ACAT1: variants seen among roughly 807,000 people sequenced by gnomAD.
ACAT1 encodes the protein acetyl-CoA acetyltransferase 1, also known as acetyl-CoA acetyltransferase, mitochondrial.
ACAT1 carries 28 observed loss-of-function variants against 47.3 expected under a neutral mutation model. The observed-to-expected ratio is 0.59, with a 90% CI of 0.44 to 0.81. ACAT1 has a LOEUF of 0.81. Ranked by LOEUF, ACAT1 falls within the 30% of genes least tolerant of loss-of-function variation. ACAT1 has a pLI of 0.00. For missense variants in ACAT1, 469 were observed against 524.3 expected (o/e 0.89, Z 1.03); for synonymous variants, 181 against 173.6 (o/e 1.04, Z -0.34).
At chr11:108,123,347 A>G (rs924986005) in intron 1 of ACAT1, among the ~76,000 whole-genome samples, 4 of 152,242 alleles carry the variant, frequency 2.6e-5, no homozygotes, top group Admixed American at 2.6e-4. Flanking sequence ...TCTAGGAAGC[A>G]GTTGTATTGG....
chr11:108,130,231 G>A (rs1317820490), intron 1 of ACAT1, among the ~76,000 whole-genome samples: 2 of 152,026 alleles, frequency 1.3e-5, no homozygotes, highest in Non-Finnish European at 2.9e-5. Context: ...GCTTGGGTGA[G>A]TCCATTCCAT....
chr11:108,136,385 T>C (rs2077469929), intron 5 of ACAT1: 1 of 300,222 alleles, frequency 3.3e-6, no homozygotes, highest in Admixed American at 5.0e-5. Context: ...TCCATAAAAG[T>C]TGTACCAGTT....
In ACAT1 at chr11:108,132,241, G is replaced by A. The variant is rs11212520; in HGVS notation, c.120+287G>A. ...TACTCACAGGGACTCGCATTGTATT[G>A]TGTGTGGTACAAGCAGAGACTGTAT... On this transcript the variant is annotated intron_variant, in intron 2 of 11. Transcript: ENST00000265838. 4.6e-5 allele frequency among the ~76,000 whole-genome samples: 7 copies of A among 152,206 alleles called. No homozygotes were observed. The East Asian group carries it at 1.4e-3, about 29-fold the overall frequency.
intron 8 of ACAT1, among the ~76,000 whole-genome samples, chr11:108,142,206 A>G (rs998075383): frequency 1.3e-5 from 2 of 152,240 alleles, no homozygotes; most frequent in African/African-American, 4.8e-5. Context: ...ATCCAGTGCC[A>G]TCATGCATGT....
At chr11:108,145,660 G>T (rs1390488757) in intron 10 of ACAT1, among the ~76,000 whole-genome samples, 1 of 152,178 alleles carries the variant, frequency 6.6e-6, no homozygotes, top group Non-Finnish European at 1.5e-5. Flanking sequence ...AATATCTGTG[G>T]AAAGAAAATC....
In ACAT1 at chr11:108,144,346, G is replaced by A. The variant is rs138795626; in HGVS notation, c.1005+299G>A. On this transcript the variant is annotated intron_variant, in intron 10 of 11. Transcript: ENST00000265838. ...CTGGTGTGGTAACCACAAAGCGGAG[G>A]GAATGCTGGCTGATGGTTCCAGATC... 70 of 383,798 alleles carry A rather than the reference G, an allele frequency of 1.8e-4. 1 individual carries two copies. The highest frequency in any genetic ancestry group is 1.1e-3 in the African/African-American group (55 of 48,504). 23.8% of individuals were successfully genotyped at this position (383,798 alleles called of 1,614,324 possible). A position where few individuals can be genotyped will look rare whatever the true frequency, so the allele number is the denominator to read the frequency against.
rs549208039 is a variant in ACAT1 at position 108,124,444 on chromosome 11, G to A, written c.72+2766G>A. On this transcript the variant is annotated intron_variant, in intron 1 of 11. Coordinates refer to ENST00000265838, the MANE Select transcript of ACAT1 (RefSeq NM_000019.4). ...ACACCCGCTACTTTTTGTATTTTTA[G>A]TAGGGACGGGCTTTCACCATGTTGG... Among the ~76,000 whole-genome samples, 141 of 151,940 alleles carry A rather than the reference G, an allele frequency of 9.3e-4. 1 individual carries two copies. Among genetic ancestry groups the A allele is most frequent in the Non-Finnish European group, 1.6e-3 (112 of 67,984 alleles).
At chr11:108,144,301 A>G (rs2077656430) in intron 10 of ACAT1, 1 of 512,974 alleles carries the variant, frequency 1.9e-6, no homozygotes, top group Admixed American at 3.3e-5. Flanking sequence ...ACTTGTAAGT[A>G]TCATACAGAA....
At chr11:108,144,107 G>T in intron 10 of ACAT1, 60 bp downstream of exon 10, 1 of 1,591,494 alleles carries the variant, frequency 6.3e-7, no homozygotes, top group South Asian at 1.1e-5. Flanking sequence ...CTTATACCAA[G>T]GTTGCAGTTT....
At chr11:108,143,556 T>C (rs1222867711) in intron 9 of ACAT1, 1 of 153,106 alleles carries the variant, frequency 6.5e-6, no homozygotes, top group Non-Finnish European at 1.5e-5. Context: ...TTTGTTACTT[T>C]ATAAAAAGCC....
chr11:108,136,089 C>T (rs1239320205), intron 5 of ACAT1: 5 of 700,730 alleles, frequency 7.1e-6, no homozygotes, highest in African/African-American at 3.5e-5. Flanking sequence ...GAGACAGGCT[C>T]CTTAGCAAAA....
At chr11:108,123,564 G>A (rs1311266960) in intron 1 of ACAT1, among the ~76,000 whole-genome samples, 1 of 152,140 alleles carries the variant, frequency 6.6e-6, no homozygotes, top group African/African-American at 2.4e-5. Flanking sequence ...CTGGTCAAAG[G>A]AGTGGTCTTT....
In ACAT1 at chr11:108,131,887, TATAA is replaced by T. The variant is rs764584922; in HGVS notation, c.73-16_73-13del. 7 of 1,163,534 alleles carry T rather than the reference TATAA, an allele frequency of 6.0e-6. No homozygotes were observed. In the African/African-American group the frequency reaches 6.2e-5, roughly 10 times the overall value. The allele number at this position is 1,163,534 out of a possible 1,614,324, so 72.1% of individuals were successfully genotyped here. A position where few individuals can be genotyped will look rare whatever the true frequency, so the allele number is the denominator to read the frequency against. ...TTTAATATTTTTTACATTATAACAT[TATAA>T]ATATTTATATTACAGGAAATAAGAT... On this transcript the variant is annotated splice_polypyrimidine_tract_variant and intron_variant, in intron 1 of 11. Coordinates refer to ENST00000265838, the MANE Select transcript of ACAT1 (RefSeq NM_000019.4).
At chr11:108,122,641 C>G (rs1422547606) in intron 1 of ACAT1, among the ~76,000 whole-genome samples, 2 of 152,170 alleles carry the variant, frequency 1.3e-5, no homozygotes, top group African/African-American at 2.4e-5. Flanking sequence ...AAGAACCAGT[C>G]TAGGACTTGA....
At chr11:108,131,438 G>A (rs193168981) in intron 1 of ACAT1, among the ~76,000 whole-genome samples, 6 of 137,736 alleles carry the variant, frequency 4.4e-5, no homozygotes, top group African/African-American at 1.3e-4. Context: ...TGCAACCTCC[G>A]CCTCCTGGGT....
At chr11:108,139,573 CAA>C (rs550819932) in intron 6 of ACAT1, among the ~76,000 whole-genome samples, 1 of 151,898 alleles carries the variant, frequency 6.6e-6, no homozygotes, top group South Asian at 2.1e-4. Flanking sequence ...GCCTGGGTGA[CAA>C]GAGTCAAACT....
At chr11:108,138,001 T>C (rs2077499043) in intron 5 of ACAT1, among the ~76,000 whole-genome samples, 1 of 152,114 alleles carries the variant, frequency 6.6e-6, no homozygotes, top group Admixed American at 6.5e-5. Context: ...TGGTATTTTT[T>C]TTTTAAAGAC....
chr11:108,134,253 A>C lies in ACAT1; in HGVS notation c.271A>C (p.Met91Leu). Residue 91 changes from methionine (M) to leucine (L), a missense_variant, in exon 4 of 12, where the codon ATG becomes CTG. Coordinates refer to ENST00000265838, the MANE Select transcript of ACAT1 (RefSeq NM_000019.4). The stretch of plus-strand genomic sequence containing the variant: ...AAAAGAAGAAGTGAAAGAAGCATAC[A>C]TGGGTAATGTTCTACAAGGAGGTGA... ...IPKEEVKEAYMGNVLQGGEGQ... is the reference protein window; with the variant it reads ...IPKEEVKEAYLGNVLQGGEGQ... The C allele has an allele frequency of 6.2e-7, 1 of 1,613,240 alleles. No individual in the cohort carries two copies. The highest frequency in any genetic ancestry group is 8.5e-7 in the Non-Finnish European group (1 of 1,179,712).
intron 2 of ACAT1, among the ~76,000 whole-genome samples, chr11:108,133,587 C>A (rs950879709): frequency 6.6e-6 from 1 of 152,052 alleles, no homozygotes; most frequent in African/African-American, 2.4e-5. Context: ...GTCCTCAAAC[C>A]TCCTGTAGAG....
Sources: gnomAD v4.1 joint callset for allele counts (sites outside exome capture counted in the v4.1 genomes callset) on GRCh38, gnomAD v4.1.1 for gene constraint, MANE v1.5 for transcripts, NCBI Gene and HGNC (gene_info 2026-07-23, HGNC 2026-07-21) for gene names.